ACOXL: variants seen among roughly 807,000 people sequenced by gnomAD.
ACOXL encodes acyl-CoA oxidase like, also known as acyl-coenzyme A oxidase-like protein.
ACOXL carries 70 observed loss-of-function variants against 71.9 expected under a neutral mutation model. That is an observed-to-expected ratio of 0.97 (90% confidence interval 0.80 to 1.19). The LOEUF is 1.19. Among genes scored for constraint, ACOXL ranks in the 50% most tolerant of loss-of-function variants. The probability of loss-of-function intolerance (pLI) is 0.00; values close to 1 mark genes in which losing one functional copy is unlikely to be tolerated. For missense variants in ACOXL, 703 were observed against 736.3 expected (o/e 0.95, Z 0.52); for synonymous variants, 253 against 281.6 (o/e 0.90, Z 1.02).
At chr2:110,884,407 A>T (rs1451479697) in intron 10 of ACOXL, among the ~76,000 whole-genome samples, 2 of 152,200 alleles carry the variant, frequency 1.3e-5, no homozygotes, top group Non-Finnish European at 2.9e-5. Flanking sequence ...GGAGACTAGG[A>T]TTCCCTTCTT....
chr2:110,874,735 G>A (rs184042457), intron 10 of ACOXL, among the ~76,000 whole-genome samples: 75 of 152,332 alleles, frequency 4.9e-4, no homozygotes, highest in Admixed American at 7.8e-4. Context: ...GGTGGAGGCC[G>A]TGAGGGCTGT....
chr2:111,041,040 C>T (rs546039959), intron 15 of ACOXL, among the ~76,000 whole-genome samples: 74 of 152,004 alleles, frequency 4.9e-4, no homozygotes, highest in Non-Finnish European at 9.3e-4. Context: ...TCTGGAGGTG[C>T]GAGGGCAAAG....
intron 12 of ACOXL, chr2:110,968,448 A>C (rs1032409364): frequency 5.0e-6 from 6 of 1,198,828 alleles, no homozygotes; most frequent in African/African-American, 1.5e-5. Context: ...AGAATGTTGC[A>C]GATTACCTGT....
chr2:110,935,888 G>A lies in ACOXL; in HGVS notation c.1059+2246G>A, dbSNP rs549164481. 8.5e-5 allele frequency among the ~76,000 whole-genome samples: 13 copies of A among 152,202 alleles called. No homozygotes were observed. In the South Asian group the frequency reaches 1.5e-3, roughly 17 times the overall value. On this transcript the variant is annotated intron_variant, in intron 12 of 17. Transcript: ENST00000439055. ...GGTGCGGGGTAGGGGAGATGTTTTC[G>A]GGATGAAACTGTTCTGCCTCAGATC... is the stretch of plus-strand genomic sequence containing the variant.
intron 17 of ACOXL, among the ~76,000 whole-genome samples, chr2:111,110,174 TTTTG>T (rs145404584): frequency 1.3e-5 from 2 of 152,294 alleles, no homozygotes; most frequent in East Asian, 1.9e-4. Context: ...TTTTACTTTC[TTTTG>T]TTTATTTTCC....
At chr2:110,746,201 C>T (rs776958665) in intron 1 of ACOXL, among the ~76,000 whole-genome samples, 14 of 152,090 alleles carry the variant, frequency 9.2e-5, no homozygotes, top group Admixed American at 1.3e-4. Flanking sequence ...CAGGGGACTC[C>T]GATTGCCGTC....
At chr2:110,955,850 G>A (rs1013324471) in intron 12 of ACOXL, among the ~76,000 whole-genome samples, 2 of 151,938 alleles carry the variant, frequency 1.3e-5, no homozygotes, top group African/African-American at 2.4e-5. Context: ...TCTGGCATCC[G>A]GGTTGGAGGA....
rs1225572744 is a variant in ACOXL at position 111,095,825 on chromosome 2, CA to C, written c.1542+2862del. On this transcript the variant is annotated intron_variant, in intron 17 of 17. Coordinates refer to ENST00000439055, the MANE Select transcript of ACOXL (RefSeq NM_001142807.4). The stretch of plus-strand genomic sequence containing the variant: ...TTATCTGTAGGGCTATAGGACATCT[CA>C]AAGCCTTCTTTGTCACATCTCTGAG... 2.0e-5 allele frequency among the ~76,000 whole-genome samples: 3 copies of C among 152,234 alleles called. No homozygotes were observed. The East Asian group carries it at 5.8e-4, about 29-fold the overall frequency.
chr2:110,923,083 G>A (rs1231235349), intron 11 of ACOXL, among the ~76,000 whole-genome samples: 4 of 152,108 alleles, frequency 2.6e-5, no homozygotes, highest in Non-Finnish European at 5.9e-5. Context: ...TCTGGTCATA[G>A]GAATCTCCAG....
At chr2:111,058,311 G>A (rs1304842702) in intron 16 of ACOXL, among the ~76,000 whole-genome samples, 1 of 152,116 alleles carries the variant, frequency 6.6e-6, no homozygotes, top group African/African-American at 2.4e-5. Flanking sequence ...ATTCCATCAG[G>A]GAGCTTCTGA....
chr2:110,768,498 G>A (rs769166390), intron 2 of ACOXL, 34 bp downstream of exon 2: 2 of 1,526,074 alleles, frequency 1.3e-6, no homozygotes, highest in Non-Finnish European at 1.8e-6. Flanking sequence ...ATGGTTGTGT[G>A]TGTGTGTGTG....
chr2:111,063,963 C>T (rs973477957), intron 16 of ACOXL, among the ~76,000 whole-genome samples: 1 of 152,122 alleles, frequency 6.6e-6, no homozygotes, highest in African/African-American at 2.4e-5. Flanking sequence ...GGAAGGAAAG[C>T]AGGCAGACAA....
intron 12 of ACOXL, among the ~76,000 whole-genome samples, chr2:110,948,006 G>A (rs2061172060): frequency 1.3e-5 from 2 of 152,230 alleles, no homozygotes; most frequent in Non-Finnish European, 2.9e-5. Context: ...TCCACAGCAG[G>A]ACTTTGTCTT....
chr2:111,005,345 A>ATTTACTCTCTG (rs2063824729), intron 14 of ACOXL, among the ~76,000 whole-genome samples: 1 of 152,206 alleles, frequency 6.6e-6, no homozygotes, highest in Admixed American at 6.5e-5. Context: ...TTCTTTGGAA[A>ATTTACTCTCTG]CAACTGCTCT....
At chr2:110,787,557 AAG>A (rs1491467576) in intron 3 of ACOXL, among the ~76,000 whole-genome samples, 3 of 151,696 alleles carry the variant, frequency 2.0e-5, no homozygotes, top group African/African-American at 4.8e-5. Context: ...AAAAAAGAAA[AAG>A]AAAAAAAAGA....
chr2:110,869,858 C>T (rs1001995806), intron 10 of ACOXL, among the ~76,000 whole-genome samples: 1 of 152,244 alleles, frequency 6.6e-6, no homozygotes, highest in African/African-American at 2.4e-5. Context: ...CTGTGTGAAC[C>T]TAGCCACTGC....
At chr2:110,791,408 A>C (rs1282013737) in intron 3 of ACOXL, among the ~76,000 whole-genome samples, 1 of 152,378 alleles carries the variant, frequency 6.6e-6, no homozygotes, top group Non-Finnish European at 1.5e-5. Context: ...TCAAGAGTGC[A>C]TTAGGCACCA....
chr2:110,846,178 C>A (rs568035162), intron 10 of ACOXL, among the ~76,000 whole-genome samples: 1 of 152,138 alleles, frequency 6.6e-6, no homozygotes, highest in South Asian at 2.1e-4. Flanking sequence ...CAGATCAGAT[C>A]TGCTTCCAAA....
intron 10 of ACOXL, 44 bp from the exon 11 acceptor site, chr2:110,908,741 TCCCG>T: frequency 6.8e-7 from 1 of 1,463,642 alleles, no homozygotes; most frequent in Non-Finnish European, 9.6e-7. Context: ...TGAAGTTACC[TCCCG>T]CTCCTGGATT....
Sources: gnomAD v4.1 joint callset for allele counts (sites outside exome capture counted in the v4.1 genomes callset) on GRCh38, gnomAD v4.1.1 for gene constraint, MANE v1.5 for transcripts, NCBI Gene and HGNC (gene_info 2026-07-23, HGNC 2026-07-21) for gene names.